The following GPC6 variants were observed in gnomAD, a reference collection of about 807,000 sequenced individuals.
GPC6 encodes the protein glypican-6.
In GPC6, 14 loss-of-function variants were observed where a neutral mutation model predicts 55.2. The ratio of observed to expected loss-of-function variants is 0.25; its 90% CI spans 0.17 to 0.40. The LOEUF is 0.40. GPC6 is among the 10% of genes least tolerant of loss of function. GPC6 has a pLI of 1.00. For missense variants in GPC6, 641 were observed against 708.5 expected (o/e 0.90, Z 1.08); for synonymous variants, 278 against 259.6 (o/e 1.07, Z -0.68).
intron 2 of GPC6, among the ~76,000 whole-genome samples, chr13:93,616,226 A>C (rs1426163865): frequency 6.6e-6 from 1 of 152,148 alleles, no homozygotes; most frequent in East Asian, 1.9e-4. Flanking sequence ...GCACATTCAA[A>C]ATAAAAAATT....
intron 2 of GPC6, among the ~76,000 whole-genome samples, chr13:93,648,484 T>G (rs543250756): frequency 1.3e-5 from 2 of 152,346 alleles, no homozygotes; most frequent in East Asian, 3.9e-4. Context: ...TGTGATCATA[T>G]TTGGCCTTAC....
In GPC6 at chr13:94,249,638, G is replaced by A. The variant is rs1432587923; in HGVS notation, c.878-36711G>A. On this transcript the variant is annotated intron_variant, in intron 4 of 8. Transcript: ENST00000377047. ...CAAAAGCTAATGATCCAGCTTGTGA[G>A]TAATGGAATTAGAATTTGACTCCTC... Among the ~76,000 whole-genome samples the A allele has an allele frequency of 2.0e-5, 3 of 152,160 alleles. No individual in the cohort carries two copies. In the East Asian group the frequency reaches 5.8e-4, roughly 29 times the overall value.
rs146072733 is a variant in GPC6 at position 93,278,027 on chromosome 13, T to A, written c.160+50411T>A. On this transcript the variant is annotated intron_variant, in intron 1 of 8. Coordinates refer to ENST00000377047, the MANE Select transcript of GPC6 (RefSeq NM_005708.5). ...ACTATAGTTCCTGGAAAGAGTATAT[T>A]GATACTGTAATAATATTTGTTTTCA... is the stretch of plus-strand genomic sequence containing the variant. Among the ~76,000 whole-genome samples, 568 of 152,304 alleles carry A rather than the reference T, an allele frequency of 3.7e-3. 1 individual carries two copies. Among genetic ancestry groups the A allele is most frequent in the African/African-American group, 0.012 (507 of 41,548 alleles).
chr13:93,426,717 T>C (rs1408182908), intron 1 of GPC6, among the ~76,000 whole-genome samples: 2 of 152,156 alleles, frequency 1.3e-5, no homozygotes, highest in African/African-American at 4.8e-5. Flanking sequence ...TGTGTCTTTA[T>C]AGCAGCATGA....
chr13:93,259,790 AT>A (rs146604735), intron 1 of GPC6, among the ~76,000 whole-genome samples: 1 of 151,990 alleles, frequency 6.6e-6, no homozygotes, highest in Non-Finnish European at 1.5e-5. Context: ...CCATTTAATG[AT>A]TTTTTTAATA....
chr13:94,087,282 A>C (rs1254592559), intron 4 of GPC6, among the ~76,000 whole-genome samples: 1 of 152,248 alleles, frequency 6.6e-6, no homozygotes, highest in Admixed American at 6.5e-5. Flanking sequence ...ATAAGCATCA[A>C]AGCTTATGTG....
At chr13:93,507,267 G>C (rs1411715068) in intron 1 of GPC6, among the ~76,000 whole-genome samples, 2 of 152,020 alleles carry the variant, frequency 1.3e-5, no homozygotes, top group Non-Finnish European at 2.9e-5. Context: ...AGATCACATC[G>C]AGAAGACTGG....
chr13:93,843,966 CT>C (rs112602033), intron 3 of GPC6, among the ~76,000 whole-genome samples: 2,140 of 151,700 alleles, frequency 0.014, 45 homozygotes, highest in African/African-American at 0.049. Context: ...AAAAATAATG[CT>C]TTTTTTTGTT....
At chr13:93,357,962 C>T (rs979501872) in intron 1 of GPC6, among the ~76,000 whole-genome samples, 4 of 152,166 alleles carry the variant, frequency 2.6e-5, no homozygotes, top group Non-Finnish European at 4.4e-5. Context: ...TGACTGCTTA[C>T]GAGTGGTCTG....
At chr13:93,852,538 A>G (rs1888441376) in intron 3 of GPC6, among the ~76,000 whole-genome samples, 1 of 151,782 alleles carries the variant, frequency 6.6e-6, no homozygotes, top group Non-Finnish European at 1.5e-5. Flanking sequence ...AATAAATACT[A>G]CCAGCTTTTC....
At chr13:93,452,514 GT>G (rs199733175) in intron 1 of GPC6, among the ~76,000 whole-genome samples, 1,542 of 152,262 alleles carry the variant, frequency 0.01, 23 homozygotes, top group African/African-American at 0.033. Flanking sequence ...TTACATGACG[GT>G]CATAATTATA....
chr13:93,740,102 A>C (rs1006869089), intron 2 of GPC6, among the ~76,000 whole-genome samples: 3 of 152,202 alleles, frequency 2.0e-5, no homozygotes, highest in Admixed American at 6.5e-5. Flanking sequence ...AAGTCATTGA[A>C]GAATTGTTTC....
At chr13:93,978,110 A>G (rs1008921021) in intron 3 of GPC6, among the ~76,000 whole-genome samples, 2 of 152,170 alleles carry the variant, frequency 1.3e-5, no homozygotes, top group African/African-American at 4.8e-5. Context: ...TTATGTGAGA[A>G]AAACTTCACC....
chr13:93,418,269 T>G (rs982580878), intron 1 of GPC6, among the ~76,000 whole-genome samples: 4 of 151,766 alleles, frequency 2.6e-5, no homozygotes, highest in Admixed American at 6.6e-5. Context: ...GCATTTATCC[T>G]TTGTGTTACA....
At chr13:94,163,297 G>A (rs900423224) in intron 4 of GPC6, among the ~76,000 whole-genome samples, 9 of 151,338 alleles carry the variant, frequency 5.9e-5, no homozygotes, top group African/African-American at 2.2e-4. Context: ...CAGTCGTGCT[G>A]GCCAGTTTTG....
intron 3 of GPC6, among the ~76,000 whole-genome samples, chr13:94,015,102 G>A (rs1433210102): frequency 6.6e-6 from 1 of 152,112 alleles, no homozygotes; most frequent in Non-Finnish European, 1.5e-5. Context: ...ATCTTTTGAG[G>A]AACTGCCAAA....
intron 2 of GPC6, among the ~76,000 whole-genome samples, chr13:93,670,366 T>C (rs1881311354): frequency 1.3e-5 from 2 of 152,182 alleles, no homozygotes; most frequent in African/African-American, 4.8e-5. Flanking sequence ...TTGAAGATAA[T>C]ACTACTTTTA....
At chr13:93,369,212 A>G (rs984151919) in intron 1 of GPC6, among the ~76,000 whole-genome samples, 2 of 152,118 alleles carry the variant, frequency 1.3e-5, no homozygotes, top group Non-Finnish European at 2.9e-5. Flanking sequence ...TAAATGGTCT[A>G]TATATTAATA....
At chr13:93,833,767 A>G (rs1434938512) in intron 3 of GPC6, among the ~76,000 whole-genome samples, 1 of 152,206 alleles carries the variant, frequency 6.6e-6, no homozygotes, top group South Asian at 2.1e-4. Flanking sequence ...ATGGAGGTCT[A>G]AATTGTAAGC....
Sources: gnomAD v4.1 joint callset for allele counts (sites outside exome capture counted in the v4.1 genomes callset) on GRCh38, gnomAD v4.1.1 for gene constraint, MANE v1.5 for transcripts, NCBI Gene and HGNC (gene_info 2026-07-23, HGNC 2026-07-21) for gene names.